The following MYOM2 variants were observed in gnomAD, a reference collection of about 807,000 sequenced individuals.
The protein encoded by MYOM2 is myomesin-2.
MYOM2 carries 254 observed loss-of-function variants against 187.6 expected under a neutral mutation model. That is an observed-to-expected ratio of 1.35 (90% confidence interval 1.22 to 1.50). The LOEUF (loss-of-function observed/expected upper bound fraction) is 1.50. Ranked by LOEUF, MYOM2 falls within the 40% of genes most tolerant of loss-of-function variation. The pLI is 0.00. For synonymous variants in MYOM2, 981 were observed against 753.8 expected (o/e 1.30, Z -4.94); for missense variants, 2,796 against 1,924.0 (o/e 1.45, Z -8.48).
At chr8:2,123,482 T>TAA (rs1797528589) in intron 29 of MYOM2, 73 bp from the exon 30 acceptor site, 1 of 1,477,106 alleles carries the variant, frequency 6.8e-7, no homozygotes, top group South Asian at 1.1e-5. Flanking sequence ...AAAGAAAATG[T>TAA]ATTAGAGTTT....
rs1322938444 is a variant in MYOM2 at position 2,116,265 on chromosome 8, C to T, written c.3375C>T (p.Leu1125=). ...CTGAGTTTCAAAGGAAAGAATTTCTCAGGAAACAAGGTGAGTTTCCTCACT... is the reference window on the plus strand; with the variant it reads ...CTGAGTTTCAAAGGAAAGAATTTCTTAGGAAACAAGGTGAGTTTCCTCACT... The part of the protein sequence containing the change: ...EEAEFQRKEF[L]RKQGPHFAEY... The change falls in exon 27 of 37, where the codon CTC becomes CTT. Residue 1125 remains leucine, a synonymous_variant. Coordinates refer to ENST00000262113, the MANE Select transcript of MYOM2 (RefSeq NM_003970.4). 1 of 1,612,852 alleles carries T rather than the reference C, an allele frequency of 6.2e-7. No individual in the cohort carries two copies. Among genetic ancestry groups the T allele is most frequent in the Non-Finnish European group, 8.5e-7 (1 of 1,179,396 alleles).
In MYOM2 at chr8:2,141,189, G is replaced by A. The variant is rs766761491; in HGVS notation, c.4001+12G>A. 9.9e-6 allele frequency: 16 copies of A among 1,611,572 alleles called. No individual in the cohort carries two copies. In the Middle Eastern group the frequency reaches 2.3e-3, roughly 233 times the overall value. ...TTCCAGCAATTCAAGTAAGATTTGT[G>A]TATTTAGTTACTATGATATCCTGTG... On this transcript the variant is annotated intron_variant, in intron 34 of 36. Transcript: ENST00000262113.
chr8:2,134,565 T>C (rs747403192), intron 32 of MYOM2, among the ~76,000 whole-genome samples: 2 of 132,980 alleles, frequency 1.5e-5, no homozygotes, highest in African/African-American at 3.3e-5. Context: ...CAGCACTGAT[T>C]TCTGAGGGGC....
chr8:2,088,945 C>G (rs1459198207), intron 14 of MYOM2, among the ~76,000 whole-genome samples: 2 of 152,204 alleles, frequency 1.3e-5, no homozygotes, highest in African/African-American at 4.8e-5. Flanking sequence ...CCTATAGACA[C>G]CTGGACTGCG....
chr8:2,116,361 G>T, intron 27 of MYOM2, 86 bp downstream of exon 27: 1 of 1,325,136 alleles, frequency 7.5e-7, no homozygotes, highest in Non-Finnish European at 1.0e-6. Flanking sequence ...GATCTTGCAT[G>T]ATCCCAAGCA....
intron 6 of MYOM2, among the ~76,000 whole-genome samples, chr8:2,068,666 A>C (rs1448232503): frequency 2.0e-5 from 3 of 152,246 alleles, no homozygotes; most frequent in Admixed American, 2.0e-4. Context: ...AGAGTGGAGC[A>C]AAGCTCAAGC....
chr8:2,140,768 T>G lies in MYOM2; in HGVS notation c.3846T>G (p.Ser1282Arg), dbSNP rs1393049794. ...SSSEHMRIGG[S>R]EEMAWLQICE... ...GTGAGCATATGAGAATCGGGGGGAG[T>G]GAAGAGATGGCTTGGCTGCAGATAT... Residue 1282 changes from serine (S) to arginine (R), a missense_variant, in exon 33 of 37, where the codon AGT becomes AGG. Ser to Arg is a moderately radical substitution (Grantham distance 110). Coordinates refer to ENST00000262113, the MANE Select transcript of MYOM2 (RefSeq NM_003970.4). 3 of 1,613,450 alleles carry G rather than the reference T, an allele frequency of 1.9e-6. No individual in the cohort carries two copies. In the East Asian group the frequency reaches 6.7e-5, roughly 36 times the overall value.
In MYOM2 at chr8:2,115,997, T is replaced by C. The variant is rs1183241974; in HGVS notation, c.3218T>C (p.Ile1073Thr). The C allele has an allele frequency of 2.5e-6, 4 of 1,614,066 alleles. No homozygotes were observed. The highest frequency in any genetic ancestry group is 1.6e-4 in the Middle Eastern group (1 of 6,062). Residue 1073 changes from isoleucine (I) to threonine (T), a missense_variant, in exon 26 of 37, where the codon ATT (isoleucine) becomes ACT (threonine). By Grantham distance (89) the Ile-to-Thr change is moderately conservative (BLOSUM62 -1). Transcript: ENST00000262113. ...AAATGTGACAAAGCTACTGGCATTA[T>C]TGAGATGGTGATGGATCGATTTAGT... ...RIKCDKATGI[I>T]EMVMDRFSIE...
intron 15 of MYOM2, among the ~76,000 whole-genome samples, chr8:2,091,862 C>T (rs926124173): frequency 6.6e-6 from 1 of 152,330 alleles, no homozygotes; most frequent in African/African-American, 2.4e-5. Flanking sequence ...CTTACCTGAC[C>T]TCAGTCCGCA....
intron 31 of MYOM2, 40 bp downstream of exon 31, chr8:2,124,257 C>G (rs369144841): frequency 1.3e-6 from 2 of 1,572,114 alleles, no homozygotes; most frequent in African/African-American, 2.7e-5. Context: ...ATTTGGGGTG[C>G]TGAAATCACT....
At chr8:2,061,750 A>T (rs1375917975) in intron 6 of MYOM2, among the ~76,000 whole-genome samples, 1 of 152,222 alleles carries the variant, frequency 6.6e-6, no homozygotes, top group Non-Finnish European at 1.5e-5. Flanking sequence ...TTTGCAGGGC[A>T]TCCTACCTCA....
At chr8:2,075,362 A>T (rs1304441978) in intron 10 of MYOM2, among the ~76,000 whole-genome samples, 2 of 152,182 alleles carry the variant, frequency 1.3e-5, no homozygotes, top group Non-Finnish European at 2.9e-5. Context: ...AACAGGAGGA[A>T]AATAAGGCAA....
chr8:2,060,290 GA>G (rs1232390336), intron 6 of MYOM2, among the ~76,000 whole-genome samples: 1 of 152,008 alleles, frequency 6.6e-6, no homozygotes. Flanking sequence ...ATGTGACTTT[GA>G]ATAAGCCATT....
At chr8:2,142,513 T>A (rs1173406834) in intron 35 of MYOM2, 116 bp downstream of exon 35, 8 of 1,029,668 alleles carry the variant, frequency 7.8e-6, no homozygotes, top group Non-Finnish European at 1.2e-5. Context: ...TCCCCCACCC[T>A]GATGTAACAA....
At chr8:2,096,522 A>G in intron 18 of MYOM2, 88 bp downstream of exon 18, 1 of 1,258,038 alleles carries the variant, frequency 7.9e-7, no homozygotes, top group Non-Finnish European at 1.1e-6. Context: ...GACATTAGAT[A>G]GTTTGATACA....
intron 10 of MYOM2, among the ~76,000 whole-genome samples, chr8:2,074,603 T>C (rs1387401128): frequency 6.6e-6 from 1 of 152,136 alleles, no homozygotes; most frequent in Non-Finnish European, 1.5e-5. Flanking sequence ...TACAGGCATG[T>C]ACCACCACGC....
At chr8:2,072,536 G>A (rs2129334578) in intron 9 of MYOM2, 27 bp downstream of exon 9, 5 of 1,601,652 alleles carry the variant, frequency 3.1e-6, no homozygotes, top group African/African-American at 1.3e-5. Context: ...CCAGACCCGG[G>A]CACACACCAG....
intron 33 of MYOM2, 124 bp downstream of exon 33, chr8:2,141,010 A>C: frequency 1.5e-6 from 2 of 1,332,224 alleles, no homozygotes; most frequent in Non-Finnish European, 2.0e-6. Flanking sequence ...TTTAGAGAAA[A>C]TGAAAAAATA....
intron 32 of MYOM2, among the ~76,000 whole-genome samples, chr8:2,137,493 C>T (rs5029670): frequency 0.17 from 26,411 of 151,670 alleles, 4,519 homozygotes; most frequent in African/African-American, 0.43. Context: ...TGTGGAGGTT[C>T]AGGCTGGAAT....
Sources: allele counts gnomAD v4.1 joint callset (sites outside exome capture counted in the v4.1 genomes callset), GRCh38; gene constraint gnomAD v4.1.1; transcripts MANE v1.5; gene names NCBI Gene and HGNC (gene_info 2026-07-23, HGNC 2026-07-21).